The following NOLC1 variants were observed in gnomAD, a reference collection of about 807,000 sequenced individuals.
The protein encoded by NOLC1 is 140 kDa nucleolar phosphoprotein.
A neutral mutation model predicts 73.4 loss-of-function variants in NOLC1; 37 were observed. The observed-to-expected ratio is 0.50, with a 90% confidence interval of 0.39 to 0.66. The LOEUF (loss-of-function observed/expected upper bound fraction) is 0.66. NOLC1 is among the 30% of genes least tolerant of loss of function. The pLI, the probability that NOLC1 is intolerant of heterozygous loss-of-function variation, is 0.00. For missense variants in NOLC1, 921 were observed against 838.9 expected (o/e 1.10, Z -1.21); for synonymous variants, 327 against 302.6 (o/e 1.08, Z -0.84).
In NOLC1 at chr10:102,162,416, C is replaced by T; in HGVS notation, c.*147C>T. 1 of 692,852 alleles carries T rather than the reference C, an allele frequency of 1.4e-6. No homozygotes were observed. Among genetic ancestry groups the T allele is most frequent in the Non-Finnish European group, 2.3e-6 (1 of 437,504 alleles). 42.9% of individuals were successfully genotyped at this position (692,852 alleles called of 1,614,324 possible). ...TCCTAAGACTTTACAGTGTAACATC[C>T]TCTCTGGTCCTTTTCTGTGTTCCTA... On this transcript the variant is annotated 3_prime_UTR_variant, in exon 13 of 13. Coordinates refer to ENST00000605788, the MANE Select transcript of NOLC1 (RefSeq NM_004741.5).
Position 102,162,267 on chromosome 10 carries a change from T to C in NOLC1, c.2098T>C (p.Ter700ArgextTer40). The C allele has an allele frequency of 6.2e-7, 1 of 1,613,600 alleles. No homozygotes were observed. The highest frequency in any genetic ancestry group is 8.5e-7 in the Non-Finnish European group (1 of 1,179,706). Residue 700 changes from the stop codon to arginine, a stop_lost, in exon 13 of 13, where the codon TGA becomes CGA. Coordinates refer to ENST00000605788, the MANE Select transcript of NOLC1 (RefSeq NM_004741.5). ...CAATTCTATTAAGTTTGACAGCGAG[T>C]GACCTGAGGCCATCTTCGGTGAAGC... ...QVNSIKFDSE[*>R]
Position 102,158,161 on chromosome 10 carries a change from C to G in NOLC1, c.554C>G (p.Pro185Arg), listed in dbSNP as rs1228487162. 1 of 1,614,042 alleles carries G rather than the reference C, an allele frequency of 6.2e-7. No homozygotes were observed. The highest frequency in any genetic ancestry group is 1.7e-5 in the Admixed American group (1 of 60,010). The change falls in exon 5 of 13, where the codon CCA becomes CGA. Residue 185 changes from proline to arginine, a missense_variant. Pro to Arg is a moderately radical substitution (Grantham distance 103). Coordinates refer to ENST00000605788, the MANE Select transcript of NOLC1 (RefSeq NM_004741.5). ...SEDEPPKNQK[P>R]KITPVTVKAQ... ...GATGAGCCACCAAAGAACCAGAAGC[C>G]AAAGATAACACCTGTGACAGTTAAA...
rs759992665 is a variant in NOLC1, at chr10:102,160,596, A to G, written c.1244A>G (p.Lys415Arg). 25 of 1,614,118 alleles carry G rather than the reference A, an allele frequency of 1.5e-5. No homozygotes were observed. Among genetic ancestry groups the G allele is most frequent in the Middle Eastern group, 1.6e-4 (1 of 6,084 alleles). Residue 415 changes from lysine (K) to arginine (R), a missense_variant, in exon 10 of 13, where the codon AAG becomes AGG. By Grantham distance (26) the Lys-to-Arg change is conservative. Transcript: ENST00000605788. ...AAGCAACCTGTGGGCGGTGGCCAGA[A>G]GCTTCTGACGAGAAAGGCTGACAGC... ...APKQPVGGGQ[K>R]LLTRKADSSS...
At chr10:102,159,065 CAAAAAAAAAAAAAA>C (rs35183508) in intron 5 of NOLC1, 114 bp from the exon 6 acceptor site, 247 of 357,872 alleles carry the variant, frequency 6.9e-4, no homozygotes, top group East Asian at 2.1e-3. Context: ...ACTCCGTCTC[CAAAAAAAAAAAAAA>C]AAAAAAAAAA....
chr10:102,161,640 A>G lies in NOLC1; in HGVS notation c.1826A>G (p.Asn609Ser). ...AAGAAGATAAAGCTTCAGACCCCTA[A>G]CACATTTCCAAAAAGGAAGAAAGTA... ...QAKKIKLQTP[N>S]TFPKRKKGEK... Residue 609 changes from asparagine (N) to serine (S), a missense_variant, in exon 11 of 13, where the codon AAC becomes AGC. Coordinates refer to ENST00000605788, the MANE Select transcript of NOLC1 (RefSeq NM_004741.5). 6.2e-7 allele frequency: 1 copy of G among 1,613,746 alleles called. No individual in the cohort carries two copies. Among genetic ancestry groups the G allele is most frequent in the South Asian group, 1.1e-5 (1 of 91,050 alleles).
chr10:102,161,844 G>C lies in NOLC1; in HGVS notation c.1860G>C (p.Arg620Ser). The change falls in exon 12 of 13, where the codon AGG (arginine) becomes AGC (serine). Residue 620 changes from arginine to serine, a missense_variant. Coordinates refer to ENST00000605788, the MANE Select transcript of NOLC1 (RefSeq NM_004741.5). ...TFPKRKKGEKRASSPFRRVRE... is the reference protein window; with the variant it reads ...TFPKRKKGEKSASSPFRRVRE... Reference sequence around the variant, plus strand: ...TCATTCTTCTGTAGGGAGAAAAAAGGGCATCATCCCCATTCCGAAGGGTCA... The same window carrying C: ...TCATTCTTCTGTAGGGAGAAAAAAGCGCATCATCCCCATTCCGAAGGGTCA... The C allele has an allele frequency of 6.2e-7, 1 of 1,613,994 alleles. No homozygotes were observed. Among genetic ancestry groups the C allele is most frequent in the Middle Eastern group, 1.6e-4 (1 of 6,062 alleles).
intron 11 of NOLC1, 73 bp from the exon 12 acceptor site, chr10:102,161,760 G>T (rs1033553377): frequency 2.6e-6 from 4 of 1,531,014 alleles, no homozygotes; most frequent in Non-Finnish European, 3.6e-6. Context: ...TGGTACATGT[G>T]CCCATGTGTA....
Position 102,163,406 on chromosome 10 carries a change from ATAGGATTATTG to A in NOLC1, c.*1139_*1149del, listed in dbSNP as rs2069745143. On this transcript the variant is annotated 3_prime_UTR_variant, in exon 13 of 13. Coordinates refer to ENST00000605788, the MANE Select transcript of NOLC1 (RefSeq NM_004741.5). ...GGAGTGGGTTTGGGAGAACAAACTA[ATAGGATTATTG>A]TGTCTCCTAGTTGGTACCTGGGAGC... 1 of 152,258 alleles carries A rather than the reference ATAGGATTATTG, an allele frequency of 6.6e-6. No individual in the cohort carries two copies. The highest frequency in any genetic ancestry group is 2.4e-5 in the African/African-American group (1 of 41,466). 9.4% of individuals were successfully genotyped at this position (152,258 alleles called of 1,614,324 possible).
chr10:102,155,299 A>G (rs1243100868), intron 1 of NOLC1, among the ~76,000 whole-genome samples: 2 of 151,832 alleles, frequency 1.3e-5, no homozygotes, highest in East Asian at 3.9e-4. Context: ...TGTTGGGATT[A>G]CAGGCGTTTA....
chr10:102,162,529 T>G lies in NOLC1; in HGVS notation c.*260T>G. On this transcript the variant is annotated 3_prime_UTR_variant, in exon 13 of 13. Transcript: ENST00000605788. Reference sequence around the variant, plus strand: ...TTAAGAAAATTCATTTTCATTGTTGTCTCCTTCCTTTTCTGTGAAAGTCCT... The same window carrying G: ...TTAAGAAAATTCATTTTCATTGTTGGCTCCTTCCTTTTCTGTGAAAGTCCT... 3.4e-6 allele frequency: 1 copy of G among 291,860 alleles called. No individual in the cohort carries two copies. Among genetic ancestry groups the G allele is most frequent in the Non-Finnish European group, 6.3e-6 (1 of 159,248 alleles). The allele number at this position is 291,860 out of a possible 1,614,324, so 18.1% of individuals were successfully genotyped here.
In NOLC1 at chr10:102,158,043, T is replaced by G; in HGVS notation, c.442-6T>G. ...CTGATTTCTCTCCTTGTGTCTTTTC[T>G]AACAGAAGGGAGTTAAGCCCCAAGC... On this transcript the variant is annotated splice_region_variant and splice_polypyrimidine_tract_variant and intron_variant, in intron 4 of 12. Coordinates refer to ENST00000605788, the MANE Select transcript of NOLC1 (RefSeq NM_004741.5). The G allele has an allele frequency of 6.2e-7, 1 of 1,611,696 alleles. No homozygotes were observed. The highest frequency in any genetic ancestry group is 1.1e-5 in the South Asian group (1 of 90,698).
chr10:102,152,462 G>A lies in NOLC1; in HGVS notation c.52G>A (p.Val18Met). The change falls in exon 1 of 13, where the codon GTG becomes ATG. Residue 18 changes from valine (V) to methionine (M), a missense_variant. By Grantham distance (21) the Val-to-Met change is conservative. Transcript: ENST00000605788. ...GGTTCCCAGCGACCTGTATCCCCTC[G>A]TGCTCGGCTTCCTGCGCGATAACCA... ...RVVPSDLYPL[V>M]LGFLRDNQLS... 1 of 1,613,454 alleles carries A rather than the reference G, an allele frequency of 6.2e-7. No homozygotes were observed. Among genetic ancestry groups the A allele is most frequent in the South Asian group, 1.1e-5 (1 of 91,090 alleles).
rs1211201735 is a variant in NOLC1, at chr10:102,161,041, T to TGAG, written c.1698_1700dup (p.Glu569dup). 13 of 1,612,572 alleles carry TGAG rather than the reference T, an allele frequency of 8.1e-6. No homozygotes were observed. The highest frequency in any genetic ancestry group is 6.7e-5 in the East Asian group (3 of 44,866). ...AGAATGGAAAAGCAGCTAAGAACAG[T>TGAG]GAGGAGGAGGAAGAAGAAAAGAAAA... On this transcript the variant is annotated inframe_insertion, in exon 10 of 13. Transcript: ENST00000605788.
In NOLC1 at chr10:102,157,656, A is replaced by G. The variant is rs2069621948; in HGVS notation, c.441+101A>G. 3.8e-6 allele frequency: 5 copies of G among 1,328,808 alleles called. No individual in the cohort carries two copies. In the East Asian group the frequency reaches 1.0e-4, roughly 27 times the overall value. 82.3% of individuals were successfully genotyped at this position (1,328,808 alleles called of 1,614,324 possible). On this transcript the variant is annotated intron_variant, in intron 4 of 12. Transcript: ENST00000605788. ...AACCAAGGGGTGATGGCGGCAATACAATAGGTGATTATGAGGAAGAAAATC... is the reference window on the plus strand; with the variant it reads ...AACCAAGGGGTGATGGCGGCAATACGATAGGTGATTATGAGGAAGAAAATC...
intron 6 of NOLC1, 55 bp from the exon 7 acceptor site, chr10:102,159,378 C>T: frequency 6.2e-7 from 1 of 1,613,370 alleles, no homozygotes; most frequent in Non-Finnish European, 8.5e-7. Flanking sequence ...CCTTCCCTGG[C>T]AGGATTGGTT....
chr10:102,157,403 T>A, intron 3 of NOLC1, 28 bp from the exon 4 acceptor site: 2 of 1,613,870 alleles, frequency 1.2e-6, no homozygotes, highest in Non-Finnish European at 8.5e-7. Context: ...CATGGCTGAT[T>A]CTTACTGGGA....
intron 1 of NOLC1, among the ~76,000 whole-genome samples, chr10:102,153,672 CTTTTTTT>C (rs56074108): frequency 1.1e-5 from 1 of 88,194 alleles, no homozygotes; most frequent in Non-Finnish European, 2.3e-5. Flanking sequence ...AATTAGGATT[CTTTTTTT>C]TTTTTTTTTT....
Position 102,159,978 on chromosome 10 carries a change from G to GAAGCAGCAGCCTGTGGAA in NOLC1, c.944_961dup (p.Lys315_Glu320dup). 1 of 1,612,118 alleles carries GAAGCAGCAGCCTGTGGAA rather than the reference G, an allele frequency of 6.2e-7. No individual in the cohort carries two copies. Among genetic ancestry groups the GAAGCAGCAGCCTGTGGAA allele is most frequent in the Non-Finnish European group, 8.5e-7 (1 of 1,179,060 alleles). ...CCCAGCCTCCCAAGAAGGCTGTGGA[G>GAAGCAGCAGCCTGTGGAA]AAGCAGCAGCCTGTGGAAAGCAGTG... On this transcript the variant is annotated inframe_insertion, in exon 8 of 13. Coordinates refer to ENST00000605788, the MANE Select transcript of NOLC1 (RefSeq NM_004741.5).
Position 102,158,058 on chromosome 10 carries a change from A to G in NOLC1, c.451A>G (p.Lys151Glu). 1 of 1,613,798 alleles carries G rather than the reference A, an allele frequency of 6.2e-7. No individual in the cohort carries two copies. Among genetic ancestry groups the G allele is most frequent in the Non-Finnish European group, 8.5e-7 (1 of 1,179,876 alleles). Residue 151 changes from lysine to glutamate, a missense_variant, in exon 5 of 13, where the codon AAG becomes GAG. Physicochemically the swap from Lys to Glu is moderately conservative, Grantham distance 56. Coordinates refer to ENST00000605788, the MANE Select transcript of NOLC1 (RefSeq NM_004741.5). ...GTGTCTTTTCTAACAGAAGGGAGTT[A>G]AGCCCCAAGCCAAGGCAGCCAAAGC... Reference protein sequence around the residue: ...QKKQPVQKGVKPQAKAAKAPP... With the variant: ...QKKQPVQKGVEPQAKAAKAPP...
Sources: gnomAD v4.1 joint callset for allele counts (sites outside exome capture counted in the v4.1 genomes callset) on GRCh38, gnomAD v4.1.1 for gene constraint, MANE v1.5 for transcripts, NCBI Gene and HGNC (gene_info 2026-07-23, HGNC 2026-07-21) for gene names.